SDK1: variants seen among roughly 807,000 people sequenced by gnomAD.
SDK1 encodes sidekick cell adhesion molecule 1.
Under a neutral mutation model 245.5 loss-of-function variants are expected in SDK1, and 157 were observed. The ratio of observed to expected loss-of-function variants is 0.64; its 90% CI spans 0.56 to 0.73. SDK1 has a LOEUF of 0.73. Among genes scored for constraint, SDK1 ranks in the 30% least tolerant of loss-of-function variants. SDK1 has a pLI of 0.00. For missense variants in SDK1, 3,583 were observed against 3,002.3 expected (o/e 1.19, Z -4.52); for synonymous variants, 1,647 against 1,278.5 (o/e 1.29, Z -6.15).
intron 30 of SDK1, among the ~76,000 whole-genome samples, chr7:4,154,944 C>G (rs547340637): frequency 6.6e-6 from 1 of 151,848 alleles, no homozygotes; most frequent in African/African-American, 2.4e-5. Context: ...CAGGAGGGAG[C>G]ATGGCAGGAG....
intron 4 of SDK1, among the ~76,000 whole-genome samples, chr7:3,681,709 A>C (rs898125477): frequency 1.3e-5 from 2 of 152,218 alleles, no homozygotes; most frequent in African/African-American, 4.8e-5. Flanking sequence ...AACATGGGAC[A>C]TAGTAGGCAC....
At chr7:3,538,256 T>G (rs1778949194) in intron 1 of SDK1, among the ~76,000 whole-genome samples, 1 of 152,220 alleles carries the variant, frequency 6.6e-6, no homozygotes, top group East Asian at 1.9e-4. Context: ...GGGTCAGCTT[T>G]CACACCTCCC....
chr7:4,186,104 A>G (rs74853831), intron 35 of SDK1, among the ~76,000 whole-genome samples: 6,721 of 152,320 alleles, frequency 0.044, 241 homozygotes, highest in African/African-American at 0.093. Context: ...AAGCTTTAAA[A>G]CAAAACGAAA....
intron 1 of SDK1, among the ~76,000 whole-genome samples, chr7:3,566,956 A>G (rs564558783): frequency 1.3e-5 from 2 of 152,288 alleles, no homozygotes; most frequent in African/African-American, 2.4e-5. Context: ...ATTGTCATGC[A>G]CTGGTGGTGG....
intron 13 of SDK1, among the ~76,000 whole-genome samples, chr7:3,975,499 G>C (rs773053950): frequency 1.3e-5 from 2 of 152,198 alleles, no homozygotes; most frequent in Admixed American, 6.5e-5. Context: ...TGAACACTCC[G>C]AGTATAGGAG....
chr7:3,595,079 A>T (rs10085617), intron 1 of SDK1, among the ~76,000 whole-genome samples: 99,883 of 151,964 alleles, frequency 0.66, 33,387 homozygotes, highest in South Asian at 0.78. Context: ...TTCCAATTTG[A>T]TTTCAGCAAC....
At chr7:4,163,089 G>A (rs866203210) in intron 32 of SDK1, among the ~76,000 whole-genome samples, 3 of 152,210 alleles carry the variant, frequency 2.0e-5, no homozygotes, top group Non-Finnish European at 2.9e-5. Context: ...GGCCAAGCAC[G>A]AGGGCAGAGT....
In SDK1 at chr7:4,139,247, C is replaced by A. The variant is rs567611981; in HGVS notation, c.4229-6475C>A. 5.3e-5 allele frequency among the ~76,000 whole-genome samples: 8 copies of A among 152,266 alleles called. No homozygotes were observed. In the East Asian group the frequency reaches 1.4e-3, roughly 26 times the overall value. Reference sequence around the variant, plus strand: ...TGCACTCCAGTCCTGGCCTCAAGGTCTGTTCGTGGGGCACCCACCCTAGGG... The same window carrying A: ...TGCACTCCAGTCCTGGCCTCAAGGTATGTTCGTGGGGCACCCACCCTAGGG... On this transcript the variant is annotated intron_variant, in intron 28 of 44. Coordinates refer to ENST00000404826, the MANE Select transcript of SDK1 (RefSeq NM_152744.4).
chr7:3,599,597 C>T (rs546102377), intron 1 of SDK1, among the ~76,000 whole-genome samples: 4 of 152,258 alleles, frequency 2.6e-5, no homozygotes, highest in East Asian at 3.9e-4. Flanking sequence ...TATGGTTCTA[C>T]GTTTAAGTTC....
rs1784465607 is a variant in SDK1 at position 4,127,481 on chromosome 7, C to T, written c.3924C>T (p.Leu1308=). The T allele has an allele frequency of 5.0e-6, 8 of 1,613,482 alleles. No homozygotes were observed. The highest frequency in any genetic ancestry group is 1.7e-4 in the Middle Eastern group (1 of 6,060). Residue 1308 remains leucine (L), a synonymous_variant, in exon 26 of 45, where the codon CTC becomes CTT. Coordinates refer to ENST00000404826, the MANE Select transcript of SDK1 (RefSeq NM_152744.4). The part of the protein sequence containing the change: ...TSVPEQDQNG[L]ILGYKILFRA... Reference sequence around the variant, plus strand: ...TGCCGGAACAGGACCAGAATGGGCTCATACTGGGCTACAAGGTGTGTGATC... The same window carrying T: ...TGCCGGAACAGGACCAGAATGGGCTTATACTGGGCTACAAGGTGTGTGATC...
In SDK1 at chr7:4,130,086, C is replaced by G; in HGVS notation, c.4118C>G (p.Thr1373Ser). Residue 1373 changes from threonine to serine, a missense_variant, in exon 27 of 45, where the codon ACC becomes AGC. Transcript: ENST00000404826. ...VPSTPLILER[T>S]KDDAPGPPVR... ...AGCACGCCCCTCATCCTGGAGCGCACCAAAGACGATGGTAGGTCCAGGGTT... is the reference window on the plus strand; with the variant it reads ...AGCACGCCCCTCATCCTGGAGCGCAGCAAAGACGATGGTAGGTCCAGGGTT... The G allele has an allele frequency of 1.9e-6, 3 of 1,602,848 alleles. No individual in the cohort carries two copies. Among genetic ancestry groups the G allele is most frequent in the Non-Finnish European group, 2.6e-6 (3 of 1,172,386 alleles).
rs116785961 is a variant in SDK1 at position 3,692,293 on chromosome 7, C to T, written c.713+50188C>T. Among the ~76,000 whole-genome samples, 729 of 151,846 alleles carry T rather than the reference C, an allele frequency of 4.8e-3. 5 individuals carry two copies. The highest frequency in any genetic ancestry group is 0.017 in the African/African-American group (701 of 41,430). Reference sequence around the variant, plus strand: ...AAGTAACCTAAGATATCCCACCAGCCCAAAATAACTTGTTACTATTTAAAA... The same window carrying T: ...AAGTAACCTAAGATATCCCACCAGCTCAAAATAACTTGTTACTATTTAAAA... On this transcript the variant is annotated intron_variant, in intron 4 of 44. Transcript: ENST00000404826.
intron 1 of SDK1, among the ~76,000 whole-genome samples, chr7:3,501,434 C>T (rs142067731): frequency 6.6e-6 from 1 of 151,462 alleles, no homozygotes; most frequent in African/African-American, 2.4e-5. Context: ...TTCCGAGTGA[C>T]AGCCTAAGGG....
chr7:3,621,727 C>G (rs908325606), intron 2 of SDK1, among the ~76,000 whole-genome samples: 1 of 152,176 alleles, frequency 6.6e-6, no homozygotes, highest in African/African-American at 2.4e-5. Context: ...CTGAGTCTTC[C>G]TGTGGAACTC....
intron 7 of SDK1, among the ~76,000 whole-genome samples, chr7:3,953,000 C>T (rs1426416264): frequency 6.6e-6 from 1 of 152,022 alleles, no homozygotes; most frequent in East Asian, 1.9e-4. Flanking sequence ...GCAGTGGTAG[C>T]CGCTGTTGAT....
intron 4 of SDK1, among the ~76,000 whole-genome samples, chr7:3,766,724 T>G (rs2114995460): frequency 6.6e-6 from 1 of 152,336 alleles, no homozygotes; most frequent in Non-Finnish European, 1.5e-5. Context: ...CTGTTACAAC[T>G]TTAGAAATAG....
intron 5 of SDK1, among the ~76,000 whole-genome samples, chr7:3,876,878 A>G (rs1232946664): frequency 6.6e-6 from 1 of 152,150 alleles, no homozygotes; most frequent in African/African-American, 2.4e-5. Context: ...CCCCAAAATA[A>G]TTTTTGTGTA....
chr7:3,317,471 C>T (rs1779691412), intron 1 of SDK1, among the ~76,000 whole-genome samples: 1 of 152,098 alleles, frequency 6.6e-6, no homozygotes, highest in South Asian at 2.1e-4. Context: ...TGATTCTGCC[C>T]CTTCATCTTC....
At chr7:4,048,041 G>A (rs1021756107) in intron 17 of SDK1, among the ~76,000 whole-genome samples, 1 of 152,178 alleles carries the variant, frequency 6.6e-6, no homozygotes, top group African/African-American at 2.4e-5. Flanking sequence ...TGCCTGGGAA[G>A]AGAAGACTTG....
Sources: gnomAD v4.1 joint callset for allele counts (sites outside exome capture counted in the v4.1 genomes callset) on GRCh38, gnomAD v4.1.1 for gene constraint, MANE v1.5 for transcripts, NCBI Gene and HGNC (gene_info 2026-07-23, HGNC 2026-07-21) for gene names.